ADGRV1: variants seen among roughly 807,000 people sequenced by gnomAD.
The protein encoded by ADGRV1 is adhesion G protein-coupled receptor V1, also known as G-protein coupled receptor 98.
A neutral mutation model predicts 596.2 loss-of-function variants in ADGRV1; 359 were observed. That is an observed-to-expected ratio of 0.60 (90% CI 0.55 to 0.66). The LOEUF is 0.66. ADGRV1 is among the 30% of genes least tolerant of loss of function. The probability of loss-of-function intolerance (pLI) is 0.00; values close to 1 mark genes in which losing one functional copy is unlikely to be tolerated. For synonymous variants in ADGRV1, 2,681 were observed against 2,679.2 expected, an observed-to-expected ratio of 1.00 and a Z score of -0.02; for missense variants, 7,274 against 7,575.6, an observed-to-expected ratio of 0.96 and a Z score of 1.48.
At chr5:90,763,147 G>A in intron 58 of ADGRV1, 158 bp from the exon 59 acceptor site, 2 of 567,092 alleles carry the variant, frequency 3.5e-6, no homozygotes, top group South Asian at 7.5e-5. Context: ...ATAGAAAGTG[G>A]GATTTGGTAA....
chr5:90,574,418 T>C (rs1756943690), intron 1 of ADGRV1, among the ~76,000 whole-genome samples: 2 of 152,160 alleles, frequency 1.3e-5, no homozygotes, highest in East Asian at 3.9e-4. Context: ...GTGGCTATTA[T>C]AGGTGGGATT....
intron 79 of ADGRV1, among the ~76,000 whole-genome samples, chr5:90,852,333 A>T (rs1352915550): frequency 6.6e-6 from 1 of 152,218 alleles, no homozygotes; most frequent in Non-Finnish European, 1.5e-5. Flanking sequence ...ACAAGATATC[A>T]TGTAAATCTA....
chr5:90,971,012 G>C (rs1018110473), intron 84 of ADGRV1, among the ~76,000 whole-genome samples: 2 of 152,162 alleles, frequency 1.3e-5, no homozygotes, highest in Non-Finnish European at 2.9e-5. Flanking sequence ...GTCCTTAAAT[G>C]ACCTGATGGA....
At chr5:90,561,496 T>C (rs1754825860) in intron 1 of ADGRV1, among the ~76,000 whole-genome samples, 1 of 152,224 alleles carries the variant, frequency 6.6e-6, no homozygotes, top group African/African-American at 2.4e-5. Flanking sequence ...ATGCCGTTTC[T>C]TATATTGCTG....
intron 79 of ADGRV1, among the ~76,000 whole-genome samples, chr5:90,851,415 T>C (rs1393612895): frequency 6.6e-6 from 1 of 152,152 alleles, no homozygotes; most frequent in African/African-American, 2.4e-5. Flanking sequence ...GTTTGTTTAC[T>C]CAGGAAGCCC....
Position 90,755,280 on chromosome 5 carries a change from T to C in ADGRV1, c.11580+95T>C, listed in dbSNP as rs1755716486. 5.3e-6 allele frequency: 4 copies of C among 758,784 alleles called. No homozygotes were observed. In the Admixed American group the frequency reaches 8.8e-5, roughly 17 times the overall value. The allele number at this position is 758,784 out of a possible 1,614,324, so 47.0% of individuals were successfully genotyped here. ...TTGTAAGTAAAAATCTTTTTTTTAA[T>C]AAAAGGATTCTTTTAAACATAAAAA... On this transcript the variant is annotated intron_variant, in intron 55 of 89. Coordinates refer to ENST00000405460, the MANE Select transcript of ADGRV1 (RefSeq NM_032119.4).
At chr5:90,823,161 A>G (rs1383834323) in intron 75 of ADGRV1, among the ~76,000 whole-genome samples, 3 of 152,284 alleles carry the variant, frequency 2.0e-5, no homozygotes, top group Middle Eastern at 3.4e-3. Flanking sequence ...CATTCCTTAT[A>G]CAGAGTATTA....
intron 85 of ADGRV1, among the ~76,000 whole-genome samples, chr5:91,048,933 C>G (rs534067661): frequency 1.3e-5 from 2 of 152,150 alleles, no homozygotes; most frequent in South Asian, 4.2e-4. Flanking sequence ...AGTTACTTTG[C>G]CTACAATTCC....
chr5:90,896,767 C>A (rs761693816), intron 83 of ADGRV1, among the ~76,000 whole-genome samples: 1 of 152,098 alleles, frequency 6.6e-6, no homozygotes, highest in African/African-American at 2.4e-5. Context: ...AAATAAATAT[C>A]TCATGTAAAT....
intron 86 of ADGRV1, among the ~76,000 whole-genome samples, chr5:91,074,333 C>T (rs931099516): frequency 8.5e-5 from 13 of 152,162 alleles, no homozygotes; most frequent in African/African-American, 3.1e-4. Flanking sequence ...CTCTTTCCCT[C>T]TACCCTCAAG....
chr5:91,098,160 A>C (rs2126625694), intron 86 of ADGRV1, among the ~76,000 whole-genome samples: 1 of 152,332 alleles, frequency 6.6e-6, no homozygotes, highest in Admixed American at 6.5e-5. Context: ...TAGTTCATCA[A>C]ATGCGAAATA....
chr5:91,115,239 A>G (rs905432394), intron 87 of ADGRV1, among the ~76,000 whole-genome samples: 17 of 152,190 alleles, frequency 1.1e-4, no homozygotes, highest in African/African-American at 2.7e-4. Context: ...GTTGTACTCA[A>G]TGAGGTTAAT....
chr5:91,027,400 T>C (rs1190772117), intron 85 of ADGRV1, among the ~76,000 whole-genome samples: 1 of 152,108 alleles, frequency 6.6e-6, no homozygotes, highest in Non-Finnish European at 1.5e-5. Flanking sequence ...TTTGCAATAC[T>C]GAGAAGGTGA....
intron 78 of ADGRV1, among the ~76,000 whole-genome samples, chr5:90,844,393 T>C (rs899123755): frequency 6.6e-6 from 1 of 152,236 alleles, no homozygotes; most frequent in Non-Finnish European, 1.5e-5. Context: ...TTACACATGC[T>C]AGAAGTGGCA....
chr5:91,056,267 G>A (rs1169094836), intron 85 of ADGRV1, among the ~76,000 whole-genome samples: 6 of 116,798 alleles, frequency 5.1e-5, no homozygotes, highest in African/African-American at 1.5e-4. Context: ...AGAGGTAATG[G>A]TTTCGCCAGG....
intron 45 of ADGRV1, among the ~76,000 whole-genome samples, chr5:90,723,517 C>G (rs1238184548): frequency 6.6e-6 from 1 of 152,128 alleles, no homozygotes; most frequent in Admixed American, 6.5e-5. Flanking sequence ...TAATTGTTAG[C>G]AGTCATTGCT....
At chr5:90,866,575 C>G (rs1297541645) in intron 83 of ADGRV1, among the ~76,000 whole-genome samples, 1 of 151,974 alleles carries the variant, frequency 6.6e-6, no homozygotes, top group Non-Finnish European at 1.5e-5. Flanking sequence ...CATAGTACTT[C>G]TTTAACTGGG....
intron 83 of ADGRV1, among the ~76,000 whole-genome samples, chr5:90,886,827 G>T (rs992672493): frequency 4.6e-5 from 7 of 152,156 alleles, no homozygotes; most frequent in Non-Finnish European, 1.0e-4. Context: ...AGTGTATTCA[G>T]CTTACCAGCA....
At chr5:90,610,784 G>A (rs952129884) in intron 1 of ADGRV1, among the ~76,000 whole-genome samples, 1 of 151,936 alleles carries the variant, frequency 6.6e-6, no homozygotes, top group African/African-American at 2.4e-5. Flanking sequence ...AGCACAAAAC[G>A]TAATTTATTG....
Sources: gnomAD v4.1 joint callset for allele counts (sites outside exome capture counted in the v4.1 genomes callset) on GRCh38, gnomAD v4.1.1 for gene constraint, MANE v1.5 for transcripts, NCBI Gene and HGNC (gene_info 2026-07-23, HGNC 2026-07-21) for gene names.